The following TMPRSS11D variants were observed in gnomAD, a reference collection of about 807,000 sequenced individuals.
TMPRSS11D encodes transmembrane protease serine 11D.
In TMPRSS11D, 32 loss-of-function variants were observed where a neutral mutation model predicts 44.4. The observed-to-expected ratio is 0.72, with a 90% CI of 0.54 to 0.97. The LOEUF (loss-of-function observed/expected upper bound fraction) is 0.97, where lower values mean the gene tolerates loss of function less well. Among genes scored for constraint, TMPRSS11D ranks in the 50% least tolerant of loss-of-function variants. The pLI is 0.00. For missense variants in TMPRSS11D, 446 were observed against 502.6 expected (o/e 0.89, Z 1.08); for synonymous variants, 179 against 177.9 (o/e 1.01, Z -0.05).
chr4:67,836,175 T>C (rs950473561), intron 5 of TMPRSS11D, among the ~76,000 whole-genome samples: 9 of 152,156 alleles, frequency 5.9e-5, no homozygotes, highest in African/African-American at 9.7e-5. Context: ...TCACTCCTTT[T>C]GGTACTACTT....
At chr4:67,877,471 G>A (rs958213316) in intron 1 of TMPRSS11D, among the ~76,000 whole-genome samples, 2 of 152,086 alleles carry the variant, frequency 1.3e-5, no homozygotes, top group Non-Finnish European at 2.9e-5. Context: ...CAAAAATTAC[G>A]CCTGAGAAAC....
At chr4:67,845,127 G>A (rs1056779995) in intron 3 of TMPRSS11D, among the ~76,000 whole-genome samples, 16 of 152,064 alleles carry the variant, frequency 1.1e-4, no homozygotes, top group Non-Finnish European at 2.1e-4. Context: ...TCTGTTATGT[G>A]GACAACATTA....
At chr4:67,862,747 G>A (rs1718820837) in intron 1 of TMPRSS11D, among the ~76,000 whole-genome samples, 1 of 152,122 alleles carries the variant, frequency 6.6e-6, no homozygotes. Flanking sequence ...ATGAGTTCAT[G>A]TCCTTTGTAG....
chr4:67,842,643 G>A lies in TMPRSS11D; in HGVS notation c.250-18C>T. The A allele has an allele frequency of 1.9e-6, 3 of 1,594,976 alleles. No homozygotes were observed. Among genetic ancestry groups the A allele is most frequent in the Admixed American group, 1.7e-5 (1 of 58,262 alleles). On this transcript the variant is annotated intron_variant, in intron 3 of 9. Coordinates refer to ENST00000283916, the MANE Select transcript of TMPRSS11D (RefSeq NM_004262.3). Reference sequence around the variant, plus strand: ...TTAGTAATCTGTAGAAAGAAAGAGAGGGGGAATCTCTCTGTAAATACAGTT... The same window carrying A: ...TTAGTAATCTGTAGAAAGAAAGAGAAGGGGAATCTCTCTGTAAATACAGTT...
Position 67,827,160 on chromosome 4 carries a change from A to G in TMPRSS11D, c.952+101T>C, listed in dbSNP as rs1577802151. 3 of 1,448,324 alleles carry G rather than the reference A, an allele frequency of 2.1e-6. No individual in the cohort carries two copies. In the East Asian group the frequency reaches 6.9e-5, roughly 33 times the overall value. The allele number at this position is 1,448,324 out of a possible 1,614,324, so 89.7% of individuals were successfully genotyped here. A position where few individuals can be genotyped will look rare whatever the true frequency, so the allele number is the denominator to read the frequency against. The stretch of plus-strand genomic sequence containing the variant: ...AATATAGAATGGTTCTGTCTGTAGA[A>G]GAATAGAAACACCTATTCCAGATGT... On this transcript the variant is annotated intron_variant, in intron 8 of 9. Coordinates refer to ENST00000283916, the MANE Select transcript of TMPRSS11D (RefSeq NM_004262.3).
Position 67,822,326 on chromosome 4 carries a change from C to T in TMPRSS11D, c.*11G>A, listed in dbSNP as rs1338001043. 9 of 1,613,046 alleles carry T rather than the reference C, an allele frequency of 5.6e-6. 1 individual carries two copies. The South Asian group carries it at 6.6e-5, about 12-fold the overall frequency. Reference sequence around the variant, plus strand: ...GCATACAGACTTTGCAACAGGGATGCACTTGTTGCACTAGATCCCAGTTTG... The same window carrying T: ...GCATACAGACTTTGCAACAGGGATGTACTTGTTGCACTAGATCCCAGTTTG... On this transcript the variant is annotated 3_prime_UTR_variant, in exon 10 of 10. Transcript: ENST00000283916.
At chr4:67,835,536 C>T (rs1718059637) in intron 5 of TMPRSS11D, among the ~76,000 whole-genome samples, 1 of 152,014 alleles carries the variant, frequency 6.6e-6, no homozygotes, top group Non-Finnish European at 1.5e-5. Context: ...TCTAATGATA[C>T]CACTCTATAA....
At chr4:67,848,962 T>C (rs753599420) in intron 3 of TMPRSS11D, among the ~76,000 whole-genome samples, 1 of 152,188 alleles carries the variant, frequency 6.6e-6, no homozygotes, top group Non-Finnish European at 1.5e-5. Flanking sequence ...TAATCAGTTT[T>C]GGAGAAAAAA....
chr4:67,869,508 T>TTATAATCA lies in TMPRSS11D; in HGVS notation c.9-9838_9-9831dup, dbSNP rs558910058. ...AATTTAGGCAGCTATCAATTAATAT[T>TTATAATCA]TATAATCATATGATCATACCATTAC... is the stretch of plus-strand genomic sequence containing the variant. On this transcript the variant is annotated intron_variant, in intron 1 of 9. Transcript: ENST00000283916. 1.0e-3 allele frequency among the ~76,000 whole-genome samples: 152 copies of TTATAATCA among 152,282 alleles called. 1 individual carries two copies. Among genetic ancestry groups the TTATAATCA allele is most frequent in the African/African-American group, 3.5e-3 (144 of 41,568 alleles).
chr4:67,824,777 A>G (rs904285950), intron 9 of TMPRSS11D, among the ~76,000 whole-genome samples: 2 of 152,148 alleles, frequency 1.3e-5, no homozygotes, highest in South Asian at 4.1e-4. Context: ...CCTTCTGTAT[A>G]CAATTCACCC....
intron 3 of TMPRSS11D, among the ~76,000 whole-genome samples, chr4:67,846,395 T>G (rs1718357970): frequency 6.6e-6 from 1 of 152,136 alleles, no homozygotes; most frequent in African/African-American, 2.4e-5. Flanking sequence ...ATTTTTAATA[T>G]TATAATATAA....
chr4:67,864,812 C>T (rs1718879535), intron 1 of TMPRSS11D, among the ~76,000 whole-genome samples: 1 of 151,774 alleles, frequency 6.6e-6, no homozygotes, highest in Non-Finnish European at 1.5e-5. Flanking sequence ...ATCGACTCAA[C>T]AAGAAGACAT....
In TMPRSS11D at chr4:67,850,860, G is replaced by A. The variant is rs185692012; in HGVS notation, c.249+3208C>T. On this transcript the variant is annotated intron_variant, in intron 3 of 9. Coordinates refer to ENST00000283916, the MANE Select transcript of TMPRSS11D (RefSeq NM_004262.3). ...AGCCTTAAATAGCCCAAATCCCAAA[G>A]TTTCACCATTTTCTAGTACTTTACA... Among the ~76,000 whole-genome samples, 201 of 152,184 alleles carry A rather than the reference G, an allele frequency of 1.3e-3. 1 individual carries two copies. The highest frequency in any genetic ancestry group is 4.6e-3 in the African/African-American group (190 of 41,524).
chr4:67,871,607 A>G (rs182472842), intron 1 of TMPRSS11D, among the ~76,000 whole-genome samples: 1 of 152,306 alleles, frequency 6.6e-6, no homozygotes, highest in Non-Finnish European at 1.5e-5. Flanking sequence ...AATCAGTTGA[A>G]GACTTAAAGA....
chr4:67,827,149 C>A, intron 8 of TMPRSS11D, 112 bp downstream of exon 8: 1 of 1,395,122 alleles, frequency 7.2e-7, no homozygotes, highest in Non-Finnish European at 9.6e-7. Context: ...TAGAATGGTT[C>A]TGTCTGTAGA....
intron 1 of TMPRSS11D, among the ~76,000 whole-genome samples, chr4:67,869,221 G>GGTA (rs903664996): frequency 6.6e-6 from 1 of 152,140 alleles, no homozygotes; most frequent in African/African-American, 2.4e-5. Flanking sequence ...TTATCTTAGA[G>GGTA]GTAGTATTTG....
intron 3 of TMPRSS11D, among the ~76,000 whole-genome samples, chr4:67,849,211 G>C (rs916859933): frequency 6.6e-6 from 1 of 152,114 alleles, no homozygotes; most frequent in South Asian, 2.1e-4. Flanking sequence ...CTATTAATAG[G>C]GATAGGTATT....
chr4:67,843,725 C>T (rs1229348668), intron 3 of TMPRSS11D, among the ~76,000 whole-genome samples: 3 of 151,942 alleles, frequency 2.0e-5, no homozygotes, highest in Non-Finnish European at 4.4e-5. Flanking sequence ...AGATCGAGAC[C>T]ATCCTGGCTA....
intron 1 of TMPRSS11D, among the ~76,000 whole-genome samples, chr4:67,879,703 CAA>C (rs1022169446): frequency 3.9e-5 from 6 of 151,948 alleles, no homozygotes; most frequent in Admixed American, 1.3e-4. Flanking sequence ...TGGAGCAAGA[CAA>C]GAGCTATTTC....
Sources: allele counts gnomAD v4.1 joint callset (sites outside exome capture counted in the v4.1 genomes callset), GRCh38; gene constraint gnomAD v4.1.1; transcripts MANE v1.5; gene names NCBI Gene and HGNC (gene_info 2026-07-23, HGNC 2026-07-21).